The following FEZF2 variants were observed in gnomAD, a reference collection of about 807,000 sequenced individuals.
FEZF2 encodes the protein FEZ family zinc finger 2.
Under a neutral mutation model 32.8 loss-of-function variants are expected in FEZF2, and 2 were observed. The ratio of observed to expected loss-of-function variants is 0.06; its 90% confidence interval spans 0.02 to 0.19. The LOEUF (loss-of-function observed/expected upper bound fraction) is 0.19. FEZF2 is among the 10% of genes least tolerant of loss of function. The pLI, the probability that FEZF2 is intolerant of heterozygous loss-of-function variation, is 1.00. For synonymous variants in FEZF2, 322 were observed against 284.8 expected, an observed-to-expected ratio of 1.13 and a Z score of -1.32; for missense variants, 516 against 625.4, an observed-to-expected ratio of 0.83 and a Z score of 1.87.
chr3:62,371,743 A>AC (rs1704272137), intron 2 of FEZF2, 76 bp from the exon 3 acceptor site: 9 of 1,532,086 alleles, frequency 5.9e-6, no homozygotes, highest in Non-Finnish European at 7.9e-6. Context: ...GCCACAGCCT[A>AC]CCTCCCCCAA....
intron 2 of FEZF2, 26 bp downstream of exon 2, chr3:62,371,991 C>T: frequency 6.3e-7 from 1 of 1,594,358 alleles, no homozygotes. Context: ...CCCTCCCGGC[C>T]CCCCTCGCCG....
rs1374129204 is a variant in FEZF2 at position 62,371,683 on chromosome 3, G to C, written c.853-16C>G. The C allele has an allele frequency of 1.9e-6, 3 of 1,601,426 alleles. No individual in the cohort carries two copies. Among genetic ancestry groups the C allele is most frequent in the South Asian group, 1.1e-5 (1 of 89,164 alleles). On this transcript the variant is annotated splice_polypyrimidine_tract_variant and intron_variant, in intron 2 of 4. Transcript: ENST00000283268. ...CGTTAAACACCTATGGAAAGACATG[G>C]GGGGCCTTGTGGTGCGTCTGTCCGA...
chr3:62,370,227 G>A lies in FEZF2; in HGVS notation c.1236C>T (p.Asn412=), dbSNP rs1704250350. 1 of 1,614,060 alleles carries A rather than the reference G, an allele frequency of 6.2e-7. No homozygotes were observed. The highest frequency in any genetic ancestry group is 1.1e-5 in the South Asian group (1 of 91,092). ...YNLTFHMHTH[N]DKKPFTCATC... ...TGGCGCACGTGAAAGGCTTCTTGTCGTTGTGGGTGTGCATATGGAAGGTTA... is the reference window on the plus strand; with the variant it reads ...TGGCGCACGTGAAAGGCTTCTTGTCATTGTGGGTGTGCATATGGAAGGTTA... Residue 412 remains asparagine (N), a synonymous_variant, in exon 5 of 5, where the codon AAC becomes AAT. Transcript: ENST00000283268. This position sits in a 1 kb window ranked among gnomAD's most constrained non-coding sequence, Gnocchi z 4.2.
chr3:62,373,359 C>T lies in FEZF2; in HGVS notation c.-139G>A, dbSNP rs184804049. 7.1e-5 allele frequency: 11 copies of T among 155,766 alleles called. No homozygotes were observed. Among genetic ancestry groups the T allele is most frequent in the African/African-American group, 2.6e-4 (11 of 41,716 alleles). 9.6% of individuals were successfully genotyped at this position (155,766 alleles called of 1,614,324 possible). Reference sequence around the variant, plus strand: ...GTCACATTTTGATGGCAAACATCTTCCCCTCCGCGTGAGATCACTGTCTTT... The same window carrying T: ...GTCACATTTTGATGGCAAACATCTTTCCCTCCGCGTGAGATCACTGTCTTT... On this transcript the variant is annotated 5_prime_UTR_variant, in exon 1 of 5. Transcript: ENST00000283268. The surrounding 1 kb of genome is among the most constrained non-coding windows in gnomAD (Gnocchi z 5.5).
chr3:62,371,163 G>A, intron 4 of FEZF2, 54 bp downstream of exon 4: 2 of 1,613,348 alleles, frequency 1.2e-6, no homozygotes, highest in South Asian at 1.1e-5. Flanking sequence ...CCAGCCAGCC[G>A]CGACCCGAGT....
In FEZF2 at chr3:62,369,823, G is replaced by A. The variant is rs1041391573; in HGVS notation, c.*260C>T. On this transcript the variant is annotated 3_prime_UTR_variant, in exon 5 of 5. Transcript: ENST00000283268. The surrounding 1 kb of genome is among the most constrained non-coding windows in gnomAD (Gnocchi z 4.2). ...GCTGGGGTTAAAACTGGCTGCCCCAGGAGAAGCGGAGGCCTGGAATTAAAT... is the reference window on the plus strand; with the variant it reads ...GCTGGGGTTAAAACTGGCTGCCCCAAGAGAAGCGGAGGCCTGGAATTAAAT... 1.4e-5 allele frequency: 6 copies of A among 440,636 alleles called. No individual in the cohort carries two copies. Among genetic ancestry groups the A allele is most frequent in the African/African-American group, 9.8e-5 (5 of 50,884 alleles). The allele number at this position is 440,636 out of a possible 1,614,324, so 27.3% of individuals were successfully genotyped here.
At chr3:62,371,174 C>A (rs747128911) in intron 4 of FEZF2, 43 bp downstream of exon 4, 2 of 1,613,896 alleles carry the variant, frequency 1.2e-6, no homozygotes, top group Admixed American at 3.3e-5. Context: ...CGACCCGAGT[C>A]CTGAGGTGAG....
rs1559835404 is a variant in FEZF2 at position 62,370,777 on chromosome 3, A to G, written c.1121-435T>C. 1.3e-5 allele frequency among the ~76,000 whole-genome samples: 2 copies of G among 152,156 alleles called. No homozygotes were observed. The highest frequency in any genetic ancestry group is 2.9e-5 in the Non-Finnish European group (2 of 68,022). On this transcript the variant is annotated intron_variant, in intron 4 of 4. Coordinates refer to ENST00000283268, the MANE Select transcript of FEZF2 (RefSeq NM_018008.4). The surrounding 1 kb of genome is among the most constrained non-coding windows in gnomAD (Gnocchi z 4.2). The stretch of plus-strand genomic sequence containing the variant: ...TTCTCGCCCCCCAACTACCAACTGA[A>G]GATCCAAAAGTGCCTTGGAAAATCC...
In FEZF2 at chr3:62,371,969, G is replaced by A. The variant is rs200933465; in HGVS notation, c.852+48C>T. 1,176 of 1,576,596 alleles carry A rather than the reference G, an allele frequency of 7.5e-4. 2 individuals carry two copies. Among genetic ancestry groups the A allele is most frequent in the Admixed American group, 1.4e-3 (81 of 56,342 alleles). On this transcript the variant is annotated intron_variant, in intron 2 of 4. Transcript: ENST00000283268. ...TCCAGGCTGCCCCAAGGAAGCCGCCGCCGCCGATCGCCCCTCCCGGCCCCC... is the reference window on the plus strand; with the variant it reads ...TCCAGGCTGCCCCAAGGAAGCCGCCACCGCCGATCGCCCCTCCCGGCCCCC...
At position 62,372,835 on chromosome 3, in the gene FEZF2, G is replaced by A. The variant is rs758328147; in HGVS notation, c.34C>T (p.Pro12Ser). Reference protein sequence around the residue: ...ASSASLETMVPPACPRAGASP... With the variant: ...ASSASLETMVSPACPRAGASP... ...GCTCCGGCGCGCGGGCAGGCCGGGGGCACCATGGTCTCCAGGGAAGCCGAG... is the reference window on the plus strand; with the variant it reads ...GCTCCGGCGCGCGGGCAGGCCGGGGACACCATGGTCTCCAGGGAAGCCGAG... The change falls in exon 2 of 5, where the codon CCC becomes TCC. Residue 12 changes from proline (P) to serine (S), a missense_variant. Physicochemically the swap from Pro to Ser is moderately conservative, Grantham distance 74 (BLOSUM62 -1). This residue lies in a region of FEZF2 where 408 missense variants were observed against 382.2 expected (regional missense o/e 1.07). Coordinates refer to ENST00000283268, the MANE Select transcript of FEZF2 (RefSeq NM_018008.4). This position sits in a 1 kb window ranked among gnomAD's most constrained non-coding sequence, Gnocchi z 9.6. The A allele has an allele frequency of 5.3e-6, 8 of 1,502,686 alleles. No individual in the cohort carries two copies. The South Asian group carries it at 7.7e-5, about 15-fold the overall frequency. The allele number at this position is 1,502,686 out of a possible 1,614,324, so 93.1% of individuals were successfully genotyped here.
Position 62,370,011 on chromosome 3 carries a change from T to C in FEZF2, c.*72A>G. On this transcript the variant is annotated 3_prime_UTR_variant, in exon 5 of 5. Transcript: ENST00000283268. This position sits in a 1 kb window ranked among gnomAD's most constrained non-coding sequence, Gnocchi z 4.2. ...CTATAGTTTTTTTTTCTTTTAATTT[T>C]AGAAATAAGTTTATATGTGTGATCT... The C allele has an allele frequency of 6.7e-7, 1 of 1,483,620 alleles. No individual in the cohort carries two copies. Among genetic ancestry groups the C allele is most frequent in the Non-Finnish European group, 9.0e-7 (1 of 1,108,822 alleles). The allele number at this position is 1,483,620 out of a possible 1,614,324, so 91.9% of individuals were successfully genotyped here. A position where few individuals can be genotyped will look rare whatever the true frequency, so the allele number is the denominator to read the frequency against.
rs576676584 is a variant in FEZF2, at chr3:62,370,131, G to A, written c.1332C>T (p.Gly444=). The change falls in exon 5 of 5, where the codon GGC becomes GGT. Residue 444 remains glycine, a synonymous_variant. Coordinates refer to ENST00000283268, the MANE Select transcript of FEZF2 (RefSeq NM_018008.4). The surrounding 1 kb of genome is among the most constrained non-coding windows in gnomAD (Gnocchi z 4.2). ...KHVRKLHDSV[G]PAAPSAKDLT... ...GGTCCTTTGCGGAGGGGGCAGCAGG[G>A]CCCACGCTGTCGTGGAGTTTGCGCA... 36 of 1,614,210 alleles carry A rather than the reference G, an allele frequency of 2.2e-5. No individual in the cohort carries two copies. The highest frequency in any genetic ancestry group is 3.0e-5 in the Non-Finnish European group (35 of 1,180,036).
In FEZF2 at chr3:62,369,831, G is replaced by A. The variant is rs1314041908; in HGVS notation, c.*252C>T. On this transcript the variant is annotated 3_prime_UTR_variant, in exon 5 of 5. Transcript: ENST00000283268. This position sits in a 1 kb window ranked among gnomAD's most constrained non-coding sequence, Gnocchi z 4.2. Reference sequence around the variant, plus strand: ...TAAAACTGGCTGCCCCAGGAGAAGCGGAGGCCTGGAATTAAATACGTTTCG... The same window carrying A: ...TAAAACTGGCTGCCCCAGGAGAAGCAGAGGCCTGGAATTAAATACGTTTCG... The A allele has an allele frequency of 1.3e-5, 6 of 453,726 alleles. No individual in the cohort carries two copies. Among genetic ancestry groups the A allele is most frequent in the Admixed American group, 7.8e-5 (2 of 25,576 alleles). 28.1% of individuals were successfully genotyped at this position (453,726 alleles called of 1,614,324 possible).
At position 62,370,780 on chromosome 3, in the gene FEZF2, T is replaced by C. The variant is rs1704258474; in HGVS notation, c.1120+437A>G. ...TCGCCCCCCAACTACCAACTGAAGA[T>C]CCAAAAGTGCCTTGGAAAATCCGAT... On this transcript the variant is annotated intron_variant, in intron 4 of 4. Transcript: ENST00000283268. The surrounding 1 kb of genome is among the most constrained non-coding windows in gnomAD (Gnocchi z 4.2). Among the ~76,000 whole-genome samples the C allele has an allele frequency of 6.6e-6, 1 of 152,154 alleles. No homozygotes were observed. Among genetic ancestry groups the C allele is most frequent in the African/African-American group, 2.4e-5 (1 of 41,434 alleles).
Position 62,372,473 on chromosome 3 carries a change from G to A in FEZF2, c.396C>T (p.Gly132=), listed in dbSNP as rs1292972888. ...GASGLCKTNC[G]VCCKAELGLA... is the part of the protein sequence containing the mutation. ...GGCCCAGCTCGGCCTTGCAGCACAC[G>A]CCACAGTTGGTTTTGCACAAGCCGC... Residue 132 remains glycine (G), a synonymous_variant, in exon 2 of 5, where the codon GGC becomes GGT. Coordinates refer to ENST00000283268, the MANE Select transcript of FEZF2 (RefSeq NM_018008.4). This position sits in a 1 kb window ranked among gnomAD's most constrained non-coding sequence, Gnocchi z 9.6. The A allele has an allele frequency of 2.5e-6, 4 of 1,583,100 alleles. No individual in the cohort carries two copies. Among genetic ancestry groups the A allele is most frequent in the Non-Finnish European group, 3.4e-6 (4 of 1,166,930 alleles).
Position 62,372,477 on chromosome 3 carries a change from C to G in FEZF2, c.392G>C (p.Cys131Ser). 6.3e-7 allele frequency: 1 copy of G among 1,580,532 alleles called. No homozygotes were observed. Among genetic ancestry groups the G allele is most frequent in the Non-Finnish European group, 8.6e-7 (1 of 1,165,972 alleles). The change falls in exon 2 of 5, where the codon TGT becomes TCT. Residue 131 changes from cysteine to serine, a missense_variant. By Grantham distance (112) the Cys-to-Ser change is moderately radical. Coordinates refer to ENST00000283268, the MANE Select transcript of FEZF2 (RefSeq NM_018008.4). The surrounding 1 kb of genome is among the most constrained non-coding windows in gnomAD (Gnocchi z 9.6). ...CAGCTCGGCCTTGCAGCACACGCCACAGTTGGTTTTGCACAAGCCGCTGGC... is the reference window on the plus strand; with the variant it reads ...CAGCTCGGCCTTGCAGCACACGCCAGAGTTGGTTTTGCACAAGCCGCTGGC... ...CGASGLCKTN[C>S]GVCCKAELGL... is the part of the protein sequence containing the mutation.
At position 62,370,368 on chromosome 3, in the gene FEZF2, G is replaced by A. The variant is rs766964463; in HGVS notation, c.1121-26C>T. The A allele has an allele frequency of 6.2e-6, 10 of 1,611,038 alleles. No homozygotes were observed. The highest frequency in any genetic ancestry group is 1.3e-5 in the African/African-American group (1 of 74,842). On this transcript the variant is annotated intron_variant, in intron 4 of 4. Coordinates refer to ENST00000283268, the MANE Select transcript of FEZF2 (RefSeq NM_018008.4). This position sits in a 1 kb window ranked among gnomAD's most constrained non-coding sequence, Gnocchi z 4.2. Reference sequence around the variant, plus strand: ...CTACAACAGATCAAGAACAAAAAACGTGGGGGTATGGAGTAGAATGGTGGG... The same window carrying A: ...CTACAACAGATCAAGAACAAAAAACATGGGGGTATGGAGTAGAATGGTGGG...
chr3:62,371,620 G>A lies in FEZF2; in HGVS notation c.900C>T (p.Thr300=), dbSNP rs1265977601. The change falls in exon 3 of 5, where the codon ACC becomes ACT. Residue 300 remains threonine (T), a synonymous_variant. Coordinates refer to ENST00000283268, the MANE Select transcript of FEZF2 (RefSeq NM_018008.4). ...CTTTGCACACGAACGGTCTGGCTCCGGTGTGGACCGGCATGTGGCGGGTGA... is the reference window on the plus strand; with the variant it reads ...CTTTGCACACGAACGGTCTGGCTCCAGTGTGGACCGGCATGTGGCGGGTGA... ...YNLTRHMPVH[T]GARPFVCKVC... 1 of 1,614,144 alleles carries A rather than the reference G, an allele frequency of 6.2e-7. No homozygotes were observed. Among genetic ancestry groups the A allele is most frequent in the Non-Finnish European group, 8.5e-7 (1 of 1,180,020 alleles).
At position 62,370,761 on chromosome 3, in the gene FEZF2, C is replaced by G. The variant is rs1704258125; in HGVS notation, c.1121-419G>C. Among the ~76,000 whole-genome samples, 1 of 152,158 alleles carries G rather than the reference C, an allele frequency of 6.6e-6. No individual in the cohort carries two copies. Among genetic ancestry groups the G allele is most frequent in the Admixed American group, 6.5e-5 (1 of 15,286 alleles). On this transcript the variant is annotated intron_variant, in intron 4 of 4. Coordinates refer to ENST00000283268, the MANE Select transcript of FEZF2 (RefSeq NM_018008.4). The surrounding 1 kb of genome is among the most constrained non-coding windows in gnomAD (Gnocchi z 4.2). Reference sequence around the variant, plus strand: ...TTTTAAAGTTACTTCTTTCTCGCCCCCCAACTACCAACTGAAGATCCAAAA... The same window carrying G: ...TTTTAAAGTTACTTCTTTCTCGCCCGCCAACTACCAACTGAAGATCCAAAA...
Sources: gnomAD v4.1 joint callset for allele counts (sites outside exome capture counted in the v4.1 genomes callset) on GRCh38, gnomAD v4.1.1 for gene constraint, gnomAD v4.1.1 regional missense constraint, Gnocchi (gnomAD v3.1) non-coding constraint, MANE v1.5 for transcripts, NCBI Gene and HGNC (gene_info 2026-07-23, HGNC 2026-07-21) for gene names.